Variants in STX8 observed in about 807,000 individuals in gnomAD.
STX8 encodes syntaxin 8.
Under a neutral mutation model 37.5 loss-of-function variants are expected in STX8, and 23 were observed. The ratio of observed to expected loss-of-function variants is 0.61; its 90% CI spans 0.44 to 0.87. The LOEUF is 0.87. Among genes scored for constraint, STX8 ranks in the 40% least tolerant of loss-of-function variants. STX8 has a pLI of 0.00. For missense variants in STX8, 313 were observed against 284.7 expected, an observed-to-expected ratio of 1.10 and a Z score of -0.71; for synonymous variants, 115 against 99.1, an observed-to-expected ratio of 1.16 and a Z score of -0.95.
chr17:9,509,038 G>A (rs1904939059), intron 4 of STX8, among the ~76,000 whole-genome samples: 1 of 152,188 alleles, frequency 6.6e-6, no homozygotes, highest in South Asian at 2.1e-4. Flanking sequence ...CACGATGTCA[G>A]GAGTTCAAGA....
chr17:9,455,513 TA>T (rs2142409702), intron 6 of STX8, among the ~76,000 whole-genome samples: 1 of 151,630 alleles, frequency 6.6e-6, no homozygotes, highest in Admixed American at 6.6e-5. Flanking sequence ...AATCAATCAA[TA>T]AATAAAAACA....
chr17:9,393,450 C>T (rs1400887136), intron 6 of STX8, among the ~76,000 whole-genome samples: 1 of 152,216 alleles, frequency 6.6e-6, no homozygotes, highest in Non-Finnish European at 1.5e-5. Context: ...TATTCTCCAG[C>T]TGACTTCTCT....
At position 9,397,012 on chromosome 17, in the gene STX8, T is replaced by C. The variant is rs140366966; in HGVS notation, c.542-18359A>G. 6.7e-4 allele frequency among the ~76,000 whole-genome samples: 102 copies of C among 152,358 alleles called. 1 individual carries two copies. The highest frequency in any genetic ancestry group is 2.4e-3 in the African/African-American group (99 of 41,588). On this transcript the variant is annotated intron_variant, in intron 6 of 7. Transcript: ENST00000306357. ...GACTAAAAGCGAAGGGACTTGCACA[T>C]AAGCCCTGAATTCTAGTTGGTAAAG...
intron 4 of STX8, among the ~76,000 whole-genome samples, chr17:9,523,437 A>G (rs963722265): frequency 6.6e-5 from 10 of 152,016 alleles, no homozygotes; most frequent in African/African-American, 2.4e-4. Flanking sequence ...CAAATGCGCA[A>G]AAGTCAACAG....
At chr17:9,270,780 G>A (rs575350390) in intron 7 of STX8, among the ~76,000 whole-genome samples, 1 of 152,266 alleles carries the variant, frequency 6.6e-6, no homozygotes, top group South Asian at 2.1e-4. Flanking sequence ...AGTTGGTATT[G>A]CTAAATTCAA....
At chr17:9,446,860 T>A (rs976088130) in intron 6 of STX8, among the ~76,000 whole-genome samples, 1 of 152,212 alleles carries the variant, frequency 6.6e-6, no homozygotes, top group East Asian at 1.9e-4. Context: ...TGTAACAATG[T>A]ATGAAGAGAG....
In STX8 at chr17:9,250,518, G is replaced by C; in HGVS notation, c.*60C>G. On this transcript the variant is annotated 3_prime_UTR_variant, in exon 8 of 8. Coordinates refer to ENST00000306357, the MANE Select transcript of STX8 (RefSeq NM_004853.3). Reference sequence around the variant, plus strand: ...TGAGAGCAGGTTTTGCGTACCAAAAGGGTGTTGGGCTTGCATCTGTCATTG... The same window carrying C: ...TGAGAGCAGGTTTTGCGTACCAAAACGGTGTTGGGCTTGCATCTGTCATTG... 6.9e-7 allele frequency: 1 copy of C among 1,451,600 alleles called. No individual in the cohort carries two copies. The highest frequency in any genetic ancestry group is 9.5e-7 in the Non-Finnish European group (1 of 1,053,668). 89.9% of individuals were successfully genotyped at this position (1,451,600 alleles called of 1,614,324 possible). A position where few individuals can be genotyped will look rare whatever the true frequency, so the allele number is the denominator to read the frequency against.
At position 9,297,653 on chromosome 17, in the gene STX8, A is replaced by G. The variant is rs796810403; in HGVS notation, c.644-47008T>C. 3.3e-4 allele frequency among the ~76,000 whole-genome samples: 50 copies of G among 152,286 alleles called. 1 individual carries two copies. The highest frequency in any genetic ancestry group is 1.1e-3 in the African/African-American group (47 of 41,564). On this transcript the variant is annotated intron_variant, in intron 7 of 7. Coordinates refer to ENST00000306357, the MANE Select transcript of STX8 (RefSeq NM_004853.3). ...GAGGCTGAAGCAGGAGGACTGCTTGAGCCCAAGAGTTCAAAACCACCCTGG... is the reference window on the plus strand; with the variant it reads ...GAGGCTGAAGCAGGAGGACTGCTTGGGCCCAAGAGTTCAAAACCACCCTGG...
chr17:9,522,765 G>A (rs1905406971), intron 4 of STX8, among the ~76,000 whole-genome samples: 1 of 151,924 alleles, frequency 6.6e-6, no homozygotes, highest in Non-Finnish European at 1.5e-5. Context: ...GGTTACCAGA[G>A]GCTGGGAAGG....
intron 7 of STX8, among the ~76,000 whole-genome samples, chr17:9,304,507 CAAAAAAAA>C (rs35673905): frequency 1.2e-4 from 7 of 56,886 alleles, no homozygotes; most frequent in African/African-American, 4.5e-4. Context: ...GAAACTGTCT[CAAAAAAAA>C]AAAAAAAAAA....
At chr17:9,343,191 T>C (rs1164405814) in intron 7 of STX8, among the ~76,000 whole-genome samples, 1 of 152,094 alleles carries the variant, frequency 6.6e-6, no homozygotes, top group Non-Finnish European at 1.5e-5. Context: ...GGAGATGTGA[T>C]TCTTCGATAC....
chr17:9,327,213 A>AGAAGGAGGAAGAAGGAG (rs1567784904), intron 7 of STX8, among the ~76,000 whole-genome samples: 3 of 149,746 alleles, frequency 2.0e-5, no homozygotes, highest in African/African-American at 5.0e-5. Flanking sequence ...AGAAGGAGGA[A>AGAAGGAGGAAGAAGGAG]GAAGGAGGAA....
intron 6 of STX8, among the ~76,000 whole-genome samples, chr17:9,397,550 T>C (rs1912447327): frequency 6.6e-6 from 1 of 152,188 alleles, no homozygotes; most frequent in Non-Finnish European, 1.5e-5. Context: ...ACCCACATTG[T>C]ATGTCAGAGG....
intron 6 of STX8, among the ~76,000 whole-genome samples, chr17:9,461,658 T>C (rs2142421023): frequency 6.6e-6 from 1 of 152,316 alleles, no homozygotes; most frequent in African/African-American, 2.4e-5. Flanking sequence ...ACCAGTTTCA[T>C]GGAAGACAAT....
intron 6 of STX8, among the ~76,000 whole-genome samples, chr17:9,411,651 C>T (rs931062081): frequency 6.6e-5 from 10 of 152,132 alleles, no homozygotes; most frequent in Non-Finnish European, 8.8e-5. Flanking sequence ...ATAACAGGAT[C>T]GTTTCCTCAC....
intron 7 of STX8, among the ~76,000 whole-genome samples, chr17:9,254,424 T>C (rs978425357): frequency 3.3e-5 from 5 of 151,942 alleles, no homozygotes; most frequent in Non-Finnish European, 7.4e-5. Context: ...TTTTTTGAGA[T>C]GGAGTCTCGC....
intron 5 of STX8, among the ~76,000 whole-genome samples, chr17:9,503,902 C>T (rs1904719369): frequency 2.6e-5 from 4 of 152,030 alleles, no homozygotes; most frequent in African/African-American, 9.7e-5. Flanking sequence ...GTAGCTAGGA[C>T]TACAGGTGCG....
chr17:9,304,394 C>T (rs1908885167), intron 7 of STX8, among the ~76,000 whole-genome samples: 3 of 150,906 alleles, frequency 2.0e-5, no homozygotes, highest in Admixed American at 6.6e-5. Flanking sequence ...GGCGTGGTGG[C>T]GCATGCCTGT....
chr17:9,319,300 T>A (rs1222138533), intron 7 of STX8, among the ~76,000 whole-genome samples: 2 of 151,976 alleles, frequency 1.3e-5, no homozygotes, highest in Non-Finnish European at 2.9e-5. Context: ...GTGCCTGTAG[T>A]CCCAGCTACT....
Sources: gnomAD v4.1 joint callset for allele counts (sites outside exome capture counted in the v4.1 genomes callset) on GRCh38, gnomAD v4.1.1 for gene constraint, MANE v1.5 for transcripts, NCBI Gene and HGNC (gene_info 2026-07-23, HGNC 2026-07-21) for gene names.